Variants in SLX4IP observed in about 807,000 individuals in gnomAD.
The protein encoded by SLX4IP is protein SLX4IP.
In SLX4IP, 34 loss-of-function variants were observed where a neutral mutation model predicts 32.9. The ratio of observed to expected loss-of-function variants is 1.03; its 90% CI spans 0.79 to 1.38. SLX4IP has a LOEUF of 1.38. Among genes scored for constraint, SLX4IP ranks in the 40% most tolerant of loss-of-function variants. SLX4IP has a pLI of 0.00. For synonymous variants in SLX4IP, 172 were observed against 171.7 expected, an observed-to-expected ratio of 1.00 and a Z score of -0.01; for missense variants, 444 against 479.0, an observed-to-expected ratio of 0.93 and a Z score of 0.68.
chr20:10,601,669 C>G, intron 5 of SLX4IP, 62 bp from the exon 6 acceptor site: 2 of 1,399,844 alleles, frequency 1.4e-6, no homozygotes, highest in Non-Finnish European at 2.0e-6. Flanking sequence ...AAATCTGGAA[C>G]AACCATTCTG....
chr20:10,554,683 T>C (rs931356920), intron 2 of SLX4IP, among the ~76,000 whole-genome samples: 1 of 152,220 alleles, frequency 6.6e-6, no homozygotes. Flanking sequence ...TTAATTTGCC[T>C]GATGACTAAT....
intron 2 of SLX4IP, among the ~76,000 whole-genome samples, chr20:10,478,305 T>C (rs6108599): frequency 0.14 from 20,937 of 152,230 alleles, 1,850 homozygotes; most frequent in African/African-American, 0.23. Context: ...TCCTATTTAG[T>C]TCAGTAGGTG....
chr20:10,582,136 G>T (rs1411321740), intron 4 of SLX4IP, among the ~76,000 whole-genome samples: 1 of 152,136 alleles, frequency 6.6e-6, no homozygotes, highest in African/African-American at 2.4e-5. Flanking sequence ...TAAAAGGAAA[G>T]TGAAGTTTTC....
intron 2 of SLX4IP, among the ~76,000 whole-genome samples, chr20:10,523,818 A>G (rs1394606057): frequency 2.0e-5 from 3 of 152,278 alleles, no homozygotes; most frequent in Non-Finnish European, 2.9e-5. Context: ...TTGTCTCACT[A>G]TATAAACAAA....
chr20:10,569,443 G>T (rs1266075062), intron 4 of SLX4IP, among the ~76,000 whole-genome samples: 2 of 152,092 alleles, frequency 1.3e-5, no homozygotes, highest in Non-Finnish European at 2.9e-5. Context: ...GGGATTACAG[G>T]CATGAGCCAC....
At chr20:10,462,330 G>A (rs1271683058) in intron 2 of SLX4IP, among the ~76,000 whole-genome samples, 1 of 152,184 alleles carries the variant, frequency 6.6e-6, no homozygotes, top group Non-Finnish European at 1.5e-5. Flanking sequence ...GTTTGAAAGA[G>A]CTGTGAGTGA....
rs943459905 is a variant in SLX4IP, at chr20:10,625,219, C to T, written c.*1840C>T. 6.6e-6 allele frequency: 1 copy of T among 152,218 alleles called. No homozygotes were observed. The highest frequency in any genetic ancestry group is 2.4e-5 in the African/African-American group (1 of 41,448). The allele number at this position is 152,218 out of a possible 1,614,324, so 9.4% of individuals were successfully genotyped here. A position where few individuals can be genotyped will look rare whatever the true frequency, so the allele number is the denominator to read the frequency against. ...TAGAGCAAACAGTATTTTAGGTGTG[C>T]TCTTTATTGAACACAGGACCACAGT... On this transcript the variant is annotated 3_prime_UTR_variant, in exon 8 of 8. Coordinates refer to ENST00000334534, the MANE Select transcript of SLX4IP (RefSeq NM_001009608.3).
chr20:10,499,263 A>C (rs2065696367), intron 2 of SLX4IP, among the ~76,000 whole-genome samples: 1 of 152,188 alleles, frequency 6.6e-6, no homozygotes, highest in African/African-American at 2.4e-5. Context: ...TACAATAAGA[A>C]ATACATTTTA....
intron 6 of SLX4IP, among the ~76,000 whole-genome samples, chr20:10,607,604 C>T (rs765617404): frequency 4.6e-5 from 7 of 152,130 alleles, no homozygotes; most frequent in Non-Finnish European, 1.0e-4. Context: ...ATTAGGGCCA[C>T]ACCCTCAGCA....
chr20:10,582,434 TTTCAGATTTCCCCAA>T (rs1392584378), intron 4 of SLX4IP, among the ~76,000 whole-genome samples: 1 of 152,232 alleles, frequency 6.6e-6, no homozygotes, highest in Non-Finnish European at 1.5e-5. Flanking sequence ...TTATCTCAGC[TTTCAGATTTCCCCAA>T]TTCAGCTTTC....
At chr20:10,439,511 A>G (rs2065143303) in intron 1 of SLX4IP, among the ~76,000 whole-genome samples, 1 of 152,216 alleles carries the variant, frequency 6.6e-6, no homozygotes, top group South Asian at 2.1e-4. Context: ...GGGCTGGCCT[A>G]ACAATTTTTT....
rs1462905768 is a variant in SLX4IP, at chr20:10,625,066, G to C, written c.*1687G>C. On this transcript the variant is annotated 3_prime_UTR_variant, in exon 8 of 8. Coordinates refer to ENST00000334534, the MANE Select transcript of SLX4IP (RefSeq NM_001009608.3). ...AGTCAGGGGATTCTATAGGAGAAGA[G>C]GGAGCCCAACAGAATACTAACTTCA... 1 of 152,242 alleles carries C rather than the reference G, an allele frequency of 6.6e-6. No individual in the cohort carries two copies. Among genetic ancestry groups the C allele is most frequent in the Non-Finnish European group, 1.5e-5 (1 of 68,086 alleles). 9.4% of individuals were successfully genotyped at this position (152,242 alleles called of 1,614,324 possible).
At chr20:10,547,982 G>A (rs2066179838) in intron 2 of SLX4IP, among the ~76,000 whole-genome samples, 1 of 152,156 alleles carries the variant, frequency 6.6e-6, no homozygotes, top group Non-Finnish European at 1.5e-5. Flanking sequence ...CTCCACAGGA[G>A]GACAGACACT....
chr20:10,586,291 A>G (rs1292244725), intron 4 of SLX4IP, among the ~76,000 whole-genome samples: 1 of 152,234 alleles, frequency 6.6e-6, no homozygotes, highest in East Asian at 1.9e-4. Context: ...AGATTCTGAG[A>G]GCTCCGTTCC....
intron 5 of SLX4IP, among the ~76,000 whole-genome samples, chr20:10,599,856 CAG>C (rs1346460705): frequency 6.6e-6 from 1 of 152,124 alleles, no homozygotes; most frequent in Non-Finnish European, 1.5e-5. Context: ...ATGACCTAAA[CAG>C]AGCAAAAGGG....
intron 1 of SLX4IP, among the ~76,000 whole-genome samples, chr20:10,438,354 T>C (rs921494861): frequency 1.3e-5 from 2 of 152,182 alleles, no homozygotes; most frequent in South Asian, 4.1e-4. Context: ...AATGAAGGTA[T>C]CCATCACCCC....
At position 10,475,819 on chromosome 20, in the gene SLX4IP, C is replaced by A. The variant is rs2065471382; in HGVS notation, c.27+17588C>A. 1.3e-5 allele frequency among the ~76,000 whole-genome samples: 2 copies of A among 152,232 alleles called. 1 individual carries two copies. Among genetic ancestry groups the A allele is most frequent in the South Asian group, 4.1e-4 (2 of 4,826 alleles). ...ATGGCTGCCCATGCCCACCCTTGAG[C>A]ATGACAGCTGTCAGAAAGAGGGGCA... On this transcript the variant is annotated intron_variant, in intron 2 of 7. Coordinates refer to ENST00000334534, the MANE Select transcript of SLX4IP (RefSeq NM_001009608.3).
intron 2 of SLX4IP, among the ~76,000 whole-genome samples, chr20:10,542,821 A>C (rs1600982734): frequency 6.6e-6 from 1 of 152,180 alleles, no homozygotes; most frequent in East Asian, 1.9e-4. Context: ...CCAGTTTTAG[A>C]GTTTTGTTTT....
At chr20:10,617,995 GAT>G (rs1398025679) in intron 6 of SLX4IP, among the ~76,000 whole-genome samples, 1 of 152,176 alleles carries the variant, frequency 6.6e-6, no homozygotes, top group African/African-American at 2.4e-5. Context: ...AGGCAAGAAG[GAT>G]ATCTTAGGCA....
Sources: allele counts gnomAD v4.1 joint callset (sites outside exome capture counted in the v4.1 genomes callset), GRCh38; gene constraint gnomAD v4.1.1; transcripts MANE v1.5; gene names NCBI Gene and HGNC (gene_info 2026-07-23, HGNC 2026-07-21).